The following CALN1 variants were observed in gnomAD, a reference collection of about 807,000 sequenced individuals.
The protein encoded by CALN1 is calneuron 1.
CALN1 carries 17 observed loss-of-function variants against 30.6 expected under a neutral mutation model. The observed-to-expected ratio is 0.56, with a 90% CI of 0.38 to 0.83. The LOEUF (loss-of-function observed/expected upper bound fraction) is 0.83. Among genes scored for constraint, CALN1 ranks in the 40% least tolerant of loss-of-function variants. The pLI, the probability that CALN1 is intolerant of heterozygous loss-of-function variation, is 0.00. For synonymous variants in CALN1, 156 were observed against 131.4 expected (o/e 1.19, Z -1.28); for missense variants, 291 against 354.9 (o/e 0.82, Z 1.45).
chr7:72,151,916 T>A (rs1787282636), intron 3 of CALN1, among the ~76,000 whole-genome samples: 1 of 149,914 alleles, frequency 6.7e-6, no homozygotes, highest in Non-Finnish European at 1.5e-5. Flanking sequence ...TTTTCTTTTT[T>A]TTTTTTTTTC....
At chr7:72,393,281 G>A (rs1382722063) in intron 2 of CALN1, among the ~76,000 whole-genome samples, 3 of 152,040 alleles carry the variant, frequency 2.0e-5, no homozygotes, top group South Asian at 2.1e-4. Flanking sequence ...TGGCTAACAC[G>A]GTGAAACCCC....
In CALN1 at chr7:72,064,898, A is replaced by T. The variant is rs538744476; in HGVS notation, c.389-41129T>A. On this transcript the variant is annotated intron_variant, in intron 4 of 6. Coordinates refer to ENST00000395275, the MANE Select transcript of CALN1 (RefSeq NM_031468.4). ...AAGCTGATCCTAGGCTGATCTTTTT[A>T]AAAAAAAAAAATCTGAGCTCTGTTA... Among the ~76,000 whole-genome samples the T allele has an allele frequency of 6.9e-3, 989 of 143,514 alleles. 3 individuals are homozygous for T. The highest frequency in any genetic ancestry group is 0.023 in the African/African-American group (866 of 37,532). 94.2% of individuals were successfully genotyped at this position (143,514 alleles called of 152,430 possible).
chr7:71,988,366 A>AT (rs1798784076), intron 5 of CALN1, among the ~76,000 whole-genome samples: 1 of 152,118 alleles, frequency 6.6e-6, no homozygotes, highest in Non-Finnish European at 1.5e-5. Context: ...ACCATATCGT[A>AT]TCTCCAAAGG....
At chr7:72,168,511 A>G (rs1158217655) in intron 3 of CALN1, among the ~76,000 whole-genome samples, 1 of 152,180 alleles carries the variant, frequency 6.6e-6, no homozygotes, top group Admixed American at 6.5e-5. Flanking sequence ...CAAAATTCCA[A>G]GCATTACAAG....
At chr7:71,977,761 A>G (rs1368234387) in intron 5 of CALN1, among the ~76,000 whole-genome samples, 3 of 151,880 alleles carry the variant, frequency 2.0e-5, no homozygotes, top group Non-Finnish European at 2.9e-5. Flanking sequence ...GTGAAACCCC[A>G]TCTCTACTAA....
chr7:71,864,953 A>G (rs1791502036), intron 5 of CALN1, among the ~76,000 whole-genome samples: 1 of 152,266 alleles, frequency 6.6e-6, no homozygotes, highest in African/African-American at 2.4e-5. Context: ...CAGTGAGCCA[A>G]GATCACGCCA....
chr7:72,302,272 A>C (rs1799322644), intron 2 of CALN1, among the ~76,000 whole-genome samples: 1 of 152,196 alleles, frequency 6.6e-6, no homozygotes, highest in African/African-American at 2.4e-5. Context: ...AGACCCACAA[A>C]GAGCCAAACC....
At chr7:72,459,802 G>A in the CALN1 span, among the ~76,000 whole-genome samples, 7 of 152,218 alleles carry the variant, frequency 4.6e-5, no homozygotes, top group East Asian at 5.8e-4. Context: ...GAATACAGGC[G>A]TGCAAGATAC....
chr7:72,140,859 G>C (rs1033665675), intron 3 of CALN1, among the ~76,000 whole-genome samples: 2 of 152,226 alleles, frequency 1.3e-5, no homozygotes, highest in African/African-American at 2.4e-5. Flanking sequence ...AAGTACATCA[G>C]GGCTGCCTGC....
At chr7:72,005,345 T>C (rs1233103305) in intron 5 of CALN1, among the ~76,000 whole-genome samples, 1 of 152,160 alleles carries the variant, frequency 6.6e-6, no homozygotes, top group Non-Finnish European at 1.5e-5. Flanking sequence ...TTTTTCTGTT[T>C]TGAGACAGGG....
chr7:71,990,707 C>T (rs151020585), intron 5 of CALN1, among the ~76,000 whole-genome samples: 1,814 of 152,278 alleles, frequency 0.012, 93 homozygotes, highest in Admixed American at 0.08. Flanking sequence ...CCAGTCTTGG[C>T]CTCCCAAAGT....
At chr7:71,878,779 C>A (rs544827056) in intron 5 of CALN1, among the ~76,000 whole-genome samples, 4 of 152,186 alleles carry the variant, frequency 2.6e-5, no homozygotes, top group Non-Finnish European at 5.9e-5. Context: ...GTAATGATTA[C>A]AACTGTGCCA....
chr7:72,117,330 G>A (rs558897346), intron 3 of CALN1, among the ~76,000 whole-genome samples: 5 of 152,224 alleles, frequency 3.3e-5, no homozygotes, highest in African/African-American at 9.6e-5. Context: ...GGGGACTGTC[G>A]AAGCCGAGGT....
At chr7:72,009,844 G>A (rs928775297) in intron 5 of CALN1, among the ~76,000 whole-genome samples, 1 of 152,138 alleles carries the variant, frequency 6.6e-6, no homozygotes, top group African/African-American at 2.4e-5. Flanking sequence ...CCAGCCACGT[G>A]GAAACGTAAG....
At chr7:71,856,333 G>T (rs1174237898) in intron 5 of CALN1, among the ~76,000 whole-genome samples, 2 of 151,926 alleles carry the variant, frequency 1.3e-5, no homozygotes, top group Non-Finnish European at 1.5e-5. Flanking sequence ...CTGTGGCCCA[G>T]GTTGGAGTGC....
intron 5 of CALN1, among the ~76,000 whole-genome samples, chr7:71,887,869 G>T (rs984958012): frequency 6.6e-6 from 1 of 152,102 alleles, no homozygotes; most frequent in Non-Finnish European, 1.5e-5. Flanking sequence ...TGCTGCTACC[G>T]AGAATGTGTG....
chr7:72,369,934 G>GT (rs1191778519), intron 2 of CALN1, among the ~76,000 whole-genome samples: 2 of 152,162 alleles, frequency 1.3e-5, no homozygotes, highest in African/African-American at 2.4e-5. Context: ...TAGTAGTCAT[G>GT]TTTGAGTCTT....
At chr7:72,195,742 G>A (rs1562719678) in intron 3 of CALN1, among the ~76,000 whole-genome samples, 1 of 150,676 alleles carries the variant, frequency 6.6e-6, no homozygotes, top group Non-Finnish European at 1.5e-5. Context: ...ACATTTTCTA[G>A]CTTCTAAATA....
intron 2 of CALN1, among the ~76,000 whole-genome samples, chr7:72,402,872 C>T (rs893826464): frequency 2.0e-5 from 3 of 152,238 alleles, no homozygotes; most frequent in South Asian, 2.1e-4. Flanking sequence ...CCTGTCGAAA[C>T]GAGATTAACA....
Sources: allele counts gnomAD v4.1 joint callset (sites outside exome capture counted in the v4.1 genomes callset), GRCh38; gene constraint gnomAD v4.1.1; transcripts MANE v1.5; gene names NCBI Gene and HGNC (gene_info 2026-07-23, HGNC 2026-07-21).